The following WWOX variants were observed in gnomAD, a reference collection of about 807,000 sequenced individuals.
WWOX encodes the protein WW domain-containing oxidoreductase.
In WWOX, 69 loss-of-function variants were observed where a neutral mutation model predicts 46.2. The observed-to-expected ratio is 1.49, with a 90% CI of 1.23 to 1.82. WWOX has a LOEUF of 1.82. Among genes scored for constraint, WWOX ranks in the 40% most tolerant of loss-of-function variants. WWOX has a pLI of 0.00. For synonymous variants in WWOX, 359 were observed against 202.6 expected (o/e 1.77, Z -6.56); for missense variants, 919 against 542.6 (o/e 1.69, Z -6.89).
intron 8 of WWOX, among the ~76,000 whole-genome samples, chr16:78,597,061 G>A (rs2045508318): frequency 6.6e-6 from 1 of 152,176 alleles, no homozygotes; most frequent in South Asian, 2.1e-4. Flanking sequence ...CTTCTGCGTA[G>A]AAGCGCTGGA....
At chr16:78,954,992 G>C (rs556606151) in intron 8 of WWOX, among the ~76,000 whole-genome samples, 41 of 152,028 alleles carry the variant, frequency 2.7e-4, no homozygotes, top group Non-Finnish European at 4.0e-4. Flanking sequence ...GCCTCACTGT[G>C]TTGCCCAGGC....
At chr16:78,424,230 G>A (rs888957286) in intron 6 of WWOX, among the ~76,000 whole-genome samples, 1 of 150,744 alleles carries the variant, frequency 6.6e-6, no homozygotes, top group Admixed American at 6.6e-5. Flanking sequence ...TGATTCTCCG[G>A]CCTCAGCCTC....
intron 8 of WWOX, among the ~76,000 whole-genome samples, chr16:79,154,187 C>A (rs569160390): frequency 4.6e-5 from 7 of 152,318 alleles, no homozygotes; most frequent in Middle Eastern, 6.8e-3. Flanking sequence ...CACTACAGAT[C>A]GACACCCACT....
At chr16:78,357,225 C>G (rs539529699) in intron 5 of WWOX, among the ~76,000 whole-genome samples, 37 of 152,118 alleles carry the variant, frequency 2.4e-4, no homozygotes, top group Admixed American at 1.3e-4. Context: ...GCTGGGTTCT[C>G]TGGATGGTGG....
At chr16:78,380,584 C>A (rs1017214347) in intron 5 of WWOX, among the ~76,000 whole-genome samples, 1 of 152,066 alleles carries the variant, frequency 6.6e-6, no homozygotes, top group Non-Finnish European at 1.5e-5. Flanking sequence ...GCGGTGACCA[C>A]CACATCTTAT....
At chr16:78,244,258 C>G (rs2037748051) in intron 5 of WWOX, among the ~76,000 whole-genome samples, 1 of 152,180 alleles carries the variant, frequency 6.6e-6, no homozygotes, top group South Asian at 2.1e-4. Context: ...ATGTGAAGTG[C>G]TCAGCTTTGT....
At chr16:78,529,079 G>C (rs551880324) in intron 8 of WWOX, among the ~76,000 whole-genome samples, 2 of 150,616 alleles carry the variant, frequency 1.3e-5, no homozygotes, top group African/African-American at 4.9e-5. Context: ...TCAGCCTCCT[G>C]AGTCACTGGG....
At chr16:78,135,202 G>A (rs148709009) in intron 4 of WWOX, among the ~76,000 whole-genome samples, 3 of 152,322 alleles carry the variant, frequency 2.0e-5, no homozygotes, top group East Asian at 3.9e-4. Context: ...CAACTCAAGA[G>A]TCGTTATTTA....
At chr16:79,133,375 C>T (rs368153098) in intron 8 of WWOX, among the ~76,000 whole-genome samples, 1 of 152,124 alleles carries the variant, frequency 6.6e-6, no homozygotes, top group East Asian at 1.9e-4. Context: ...ATATCAGTTC[C>T]TTAAATGGGA....
intron 8 of WWOX, among the ~76,000 whole-genome samples, chr16:78,687,863 C>G (rs1478782169): frequency 6.6e-6 from 1 of 152,050 alleles, no homozygotes; most frequent in South Asian, 2.1e-4. Context: ...TGCATTAGAA[C>G]AGATTAAAAA....
intron 8 of WWOX, among the ~76,000 whole-genome samples, chr16:79,132,153 CA>C (rs2049892088): frequency 4.0e-5 from 6 of 151,746 alleles, no homozygotes; most frequent in African/African-American, 1.2e-4. Context: ...CACACACACA[CA>C]CACACACACA....
intron 8 of WWOX, among the ~76,000 whole-genome samples, chr16:78,948,166 G>C (rs1361196765): frequency 6.6e-6 from 1 of 152,178 alleles, no homozygotes; most frequent in Admixed American, 6.5e-5. Flanking sequence ...GGTAACACCT[G>C]CCTCCGTGGT....
intron 8 of WWOX, among the ~76,000 whole-genome samples, chr16:78,880,762 T>A (rs1398186231): frequency 6.6e-6 from 1 of 152,136 alleles, no homozygotes; most frequent in East Asian, 1.9e-4. Flanking sequence ...GAGAAGATGG[T>A]TTCAAAGAAC....
rs191006878 is a variant in WWOX, at chr16:78,696,548, C to T, written c.1056+263796C>T. On this transcript the variant is annotated intron_variant, in intron 8 of 8. Coordinates refer to ENST00000566780, the MANE Select transcript of WWOX (RefSeq NM_016373.4). ...AATGCTAGGCCACAGCAGCGAGCTG[C>T]AGCTCCCAGTGATCACAAGGGCAAA... 3.6e-3 allele frequency among the ~76,000 whole-genome samples: 543 copies of T among 152,308 alleles called. 1 individual carries two copies. The highest frequency in any genetic ancestry group is 6.8e-3 in the Middle Eastern group (2 of 294).
At chr16:78,878,643 A>G (rs1212930720) in intron 8 of WWOX, among the ~76,000 whole-genome samples, 1 of 152,152 alleles carries the variant, frequency 6.6e-6, no homozygotes, top group African/African-American at 2.4e-5. Context: ...TGTTTGGTGC[A>G]TGTGAGGGTT....
chr16:78,734,238 G>A (rs1168974923), intron 8 of WWOX, among the ~76,000 whole-genome samples: 1 of 151,870 alleles, frequency 6.6e-6, no homozygotes, highest in African/African-American at 2.4e-5. Context: ...TGAGACTCTT[G>A]GTTTTTTTTA....
intron 8 of WWOX, among the ~76,000 whole-genome samples, chr16:78,719,093 A>G (rs1447260781): frequency 1.3e-5 from 2 of 152,198 alleles, no homozygotes; most frequent in Admixed American, 6.5e-5. Flanking sequence ...TGAGCCCCTC[A>G]TGACGCACAA....
At chr16:78,168,492 A>G (rs1360157765) in intron 5 of WWOX, 1 of 151,808 alleles carries the variant, frequency 6.6e-6, no homozygotes, top group Non-Finnish European at 1.5e-5. Context: ...AGAAGGGTGA[A>G]GGAACTCACC....
chr16:78,337,154 T>C (rs1317023668), intron 5 of WWOX, among the ~76,000 whole-genome samples: 1 of 152,116 alleles, frequency 6.6e-6, no homozygotes, highest in Non-Finnish European at 1.5e-5. Flanking sequence ...AGAAAACATG[T>C]TTGTGGTAGG....
Sources: gnomAD v4.1 joint callset for allele counts (sites outside exome capture counted in the v4.1 genomes callset) on GRCh38, gnomAD v4.1.1 for gene constraint, MANE v1.5 for transcripts, NCBI Gene and HGNC (gene_info 2026-07-23, HGNC 2026-07-21) for gene names.